Variants in ADAMTS19 observed in about 807,000 individuals in gnomAD.
The protein encoded by ADAMTS19 is ADAM metallopeptidase with thrombospondin type 1 motif 19, also known as A disintegrin and metalloproteinase with thrombospondin motifs 19.
ADAMTS19 carries 93 observed loss-of-function variants against 153.3 expected under a neutral mutation model. The observed-to-expected ratio is 0.61, with a 90% CI of 0.51 to 0.72. ADAMTS19 has a LOEUF of 0.72. Among genes scored for constraint, ADAMTS19 ranks in the 30% least tolerant of loss-of-function variants. The pLI, the probability that ADAMTS19 is intolerant of heterozygous loss-of-function variation, is 0.00. For missense variants in ADAMTS19, 1,482 were observed against 1,552.1 expected, an observed-to-expected ratio of 0.95 and a Z score of 0.76; for synonymous variants, 600 against 556.6, an observed-to-expected ratio of 1.08 and a Z score of -1.10.
In ADAMTS19 at chr5:129,665,502, AT is replaced by A; in HGVS notation, c.2430del (p.Tyr810Ter). ...CATGTTTTATTGACTCTTACAGGTT[AT>A]GTAGAAGTGCTGGTGATACCTGCTG... ...GDFNHTRGAG[Y>X]VEVLVIPAGA... On this transcript the variant is annotated frameshift_variant, in exon 16 of 23. Transcript: ENST00000274487. LOFTEE classifies it high-confidence loss of function. The A allele has an allele frequency of 6.2e-7, 1 of 1,606,214 alleles. No homozygotes were observed. The highest frequency in any genetic ancestry group is 8.5e-7 in the Non-Finnish European group (1 of 1,174,486).
At chr5:129,615,727 A>G (rs1220345035) in intron 8 of ADAMTS19, among the ~76,000 whole-genome samples, 6 of 151,982 alleles carry the variant, frequency 3.9e-5, no homozygotes, top group Non-Finnish European at 8.8e-5. Context: ...ATCTAGAAGT[A>G]AAAAGAATCA....
At chr5:129,604,564 A>C (rs938768857) in intron 8 of ADAMTS19, among the ~76,000 whole-genome samples, 1 of 152,220 alleles carries the variant, frequency 6.6e-6, no homozygotes, top group Non-Finnish European at 1.5e-5. Flanking sequence ...TTGACAGTGC[A>C]TAAGAAATAT....
chr5:129,596,649 A>G lies in ADAMTS19; in HGVS notation c.1463A>G (p.His488Arg). The G allele has an allele frequency of 6.2e-7, 1 of 1,605,456 alleles. No individual in the cohort carries two copies. Among genetic ancestry groups the G allele is most frequent in the South Asian group, 1.1e-5 (1 of 89,682 alleles). Residue 488 changes from histidine (H) to arginine (R), a missense_variant, in exon 8 of 23, where the codon CAT becomes CGT. This residue lies in a region of ADAMTS19 where 866 missense variants were observed against 827.7 expected (regional missense o/e 1.05). Transcript: ENST00000274487. ...NGLNLAFTIA[H>R]EMGHNMGINH... ...TTGAATCTTGCTTTTACAATTGCTC[A>G]TGAAATGGGTCACAAGTAAGTAAAA... is the stretch of plus-strand genomic sequence containing the variant.
Position 129,701,688 on chromosome 5 carries a change from A to G in ADAMTS19, c.3159+96A>G, listed in dbSNP as rs1263009133. 4.7e-6 allele frequency: 6 copies of G among 1,280,098 alleles called. No homozygotes were observed. In the Admixed American group the frequency reaches 9.4e-5, roughly 20 times the overall value. 79.3% of individuals were successfully genotyped at this position (1,280,098 alleles called of 1,614,324 possible). A position where few individuals can be genotyped will look rare whatever the true frequency, so the allele number is the denominator to read the frequency against. The stretch of plus-strand genomic sequence containing the variant: ...ATGTTCAGAATCTGCATTGAAGTTG[A>G]TATTTTTCTATACTATTTATTAATT... On this transcript the variant is annotated intron_variant, in intron 20 of 22. Transcript: ENST00000274487.
chr5:129,708,829 G>T (rs1756300894), intron 21 of ADAMTS19, among the ~76,000 whole-genome samples: 1 of 152,016 alleles, frequency 6.6e-6, no homozygotes, highest in African/African-American at 2.4e-5. Context: ...TCTAGGAAAT[G>T]ATTAGTTTTG....
chr5:129,575,598 CT>C (rs1283897464), intron 7 of ADAMTS19, among the ~76,000 whole-genome samples: 1 of 152,016 alleles, frequency 6.6e-6, no homozygotes, highest in African/African-American at 2.4e-5. Context: ...AGAACTCTGA[CT>C]TTTATCTTTC....
intron 17 of ADAMTS19, among the ~76,000 whole-genome samples, chr5:129,681,250 C>T (rs1295881765): frequency 1.3e-5 from 2 of 152,134 alleles, no homozygotes; most frequent in African/African-American, 4.8e-5. Flanking sequence ...TGATTTGGGG[C>T]AGGATCTAAA....
At chr5:129,718,176 G>C (rs1302443613) in intron 21 of ADAMTS19, among the ~76,000 whole-genome samples, 19 of 152,028 alleles carry the variant, frequency 1.2e-4, no homozygotes, top group Admixed American at 1.2e-3. Context: ...TGTACACTTT[G>C]ATTTAAAACA....
intron 15 of ADAMTS19, 144 bp from the exon 16 acceptor site, chr5:129,665,355 T>G (rs980765829): frequency 3.8e-6 from 2 of 528,226 alleles, no homozygotes; most frequent in Non-Finnish European, 6.5e-6. Flanking sequence ...ATGACAGCTT[T>G]TATATATAAA....
chr5:129,708,835 T>G (rs1219287886), intron 21 of ADAMTS19, among the ~76,000 whole-genome samples: 1 of 152,074 alleles, frequency 6.6e-6, no homozygotes, highest in Non-Finnish European at 1.5e-5. Flanking sequence ...AAATGATTAG[T>G]TTTGGACACA....
intron 2 of ADAMTS19, among the ~76,000 whole-genome samples, chr5:129,485,064 T>G (rs756572023): frequency 5.3e-5 from 8 of 152,174 alleles, no homozygotes; most frequent in Non-Finnish European, 1.2e-4. Flanking sequence ...TTATATCTAT[T>G]ACACATGGAA....
intron 10 of ADAMTS19, among the ~76,000 whole-genome samples, chr5:129,627,716 A>C (rs561507743): frequency 4.7e-4 from 71 of 152,274 alleles, no homozygotes; most frequent in African/African-American, 1.7e-3. Flanking sequence ...ATGATTAGAT[A>C]AATACATATC....
rs118024989 is a variant in ADAMTS19 at position 129,715,195 on chromosome 5, A to G, written c.3312+10804A>G. 8.5e-5 allele frequency among the ~76,000 whole-genome samples: 13 copies of G among 152,322 alleles called. No homozygotes were observed. The East Asian group carries it at 1.9e-3, about 23-fold the overall frequency. On this transcript the variant is annotated intron_variant, in intron 21 of 22. Coordinates refer to ENST00000274487, the MANE Select transcript of ADAMTS19 (RefSeq NM_133638.6). ...TTTTACTTATAATTTTACCATATCT[A>G]TAGAATTACTTTTAATTTTATAAAA...
chr5:129,720,175 T>C (rs10478890), intron 21 of ADAMTS19, among the ~76,000 whole-genome samples: 1 of 116,528 alleles, frequency 8.6e-6, no homozygotes, highest in Non-Finnish European at 1.6e-5. Flanking sequence ...TATATATTTA[T>C]TTTTTTTTTT....
At chr5:129,595,961 A>C (rs185987979) in intron 7 of ADAMTS19, among the ~76,000 whole-genome samples, 13 of 151,966 alleles carry the variant, frequency 8.6e-5, no homozygotes, top group African/African-American at 3.1e-4. Context: ...TTTTATCTTA[A>C]TATTTCAGTA....
Position 129,662,204 on chromosome 5 carries a change from A to T in ADAMTS19, c.2426-3295A>T, listed in dbSNP as rs569791635. ...CTTCGCTGTTGCCATGAAGATGAAG[A>T]TTGCTATCAACATTTTAAGATGGCT... is the stretch of plus-strand genomic sequence containing the variant. On this transcript the variant is annotated intron_variant, in intron 15 of 22. Coordinates refer to ENST00000274487, the MANE Select transcript of ADAMTS19 (RefSeq NM_133638.6). Among the ~76,000 whole-genome samples, 191 of 152,328 alleles carry T rather than the reference A, an allele frequency of 1.3e-3. 1 individual carries two copies. The highest frequency in any genetic ancestry group is 4.5e-3 in the African/African-American group (186 of 41,568).
intron 14 of ADAMTS19, among the ~76,000 whole-genome samples, chr5:129,658,347 A>AAGAAAGAGAGAGAGAGAGAGAGAG (rs1753665183): frequency 3.4e-5 from 4 of 115,984 alleles, no homozygotes; most frequent in African/African-American, 1.5e-4. Flanking sequence ...GAAAGAAAGA[A>AAGAAAGAGAGAGAGAGAGAGAGAG]AGAAAGAAAG....
intron 7 of ADAMTS19, among the ~76,000 whole-genome samples, chr5:129,588,932 T>A (rs182324632): frequency 4.5e-4 from 68 of 151,968 alleles, no homozygotes; most frequent in African/African-American, 1.6e-3. Context: ...AGTTGTTTTC[T>A]TTTTTACTTC....
chr5:129,554,980 T>A (rs72789098), intron 7 of ADAMTS19, among the ~76,000 whole-genome samples: 8 of 152,216 alleles, frequency 5.3e-5, no homozygotes, highest in Admixed American at 6.5e-5. Context: ...AAATGTTTAT[T>A]CGTACACATT....
Sources: allele counts gnomAD v4.1 joint callset (sites outside exome capture counted in the v4.1 genomes callset), GRCh38; gene constraint gnomAD v4.1.1; regional missense constraint gnomAD v4.1.1; transcripts MANE v1.5; gene names NCBI Gene and HGNC (gene_info 2026-07-23, HGNC 2026-07-21).